MOV10L1: variants seen among roughly 807,000 people sequenced by gnomAD.
The protein encoded by MOV10L1 is RNA helicase Mov10l1.
Under a neutral mutation model 143.8 loss-of-function variants are expected in MOV10L1, and 110 were observed. That is an observed-to-expected ratio of 0.76 (90% CI 0.66 to 0.90). The LOEUF (loss-of-function observed/expected upper bound fraction) is 0.90. MOV10L1 is among the 40% of genes least tolerant of loss of function. The pLI, the probability that MOV10L1 is intolerant of heterozygous loss-of-function variation, is 0.00. For missense variants in MOV10L1, 1,406 were observed against 1,526.8 expected, an observed-to-expected ratio of 0.92 and a Z score of 1.32; for synonymous variants, 593 against 581.1, an observed-to-expected ratio of 1.02 and a Z score of -0.29.
intron 19 of MOV10L1, among the ~76,000 whole-genome samples, chr22:50,147,643 G>A (rs1468316666): frequency 2.6e-5 from 4 of 152,212 alleles, no homozygotes; most frequent in Non-Finnish European, 5.9e-5. Flanking sequence ...GCGTTAGTTG[G>A]CCACTGGGGG....
rs956733233 is a variant in MOV10L1, at chr22:50,153,481, G to C, written c.3066+263G>C. The stretch of plus-strand genomic sequence containing the variant: ...ACAGCAGACAAGCACTGGGCTCCAA[G>C]AGAAGCGAAGCTGCCCAGTGAGCTC... On this transcript the variant is annotated intron_variant, in intron 22 of 26. Coordinates refer to ENST00000262794, the MANE Select transcript of MOV10L1 (RefSeq NM_018995.3). Among the ~76,000 whole-genome samples, 3 of 152,362 alleles carry C rather than the reference G, an allele frequency of 2.0e-5. No individual in the cohort carries two copies. The East Asian group carries it at 5.8e-4, about 29-fold the overall frequency.
intron 1 of MOV10L1, 148 bp from the exon 2 acceptor site, chr22:50,091,853 C>G: frequency 1.5e-6 from 1 of 687,730 alleles, no homozygotes; most frequent in Non-Finnish European, 2.4e-6. Context: ...TGATGGGATT[C>G]TCTCTGTCTC....
rs771203288 is a variant in MOV10L1 at position 50,114,486 on chromosome 22, C to T, written c.990C>T (p.Pro330=). Residue 330 remains proline (P), a synonymous_variant, in exon 7 of 27, where the codon CCC becomes CCT. Transcript: ENST00000262794. The part of the protein sequence containing the change: ...FQMLDKDQMC[P]VVSFVSVPEK... ...TGCTGGATAAAGACCAGATGTGCCC[C>T]GTGGTATCTTTTGTTTCTGTTCCTG... The T allele has an allele frequency of 1.6e-5, 26 of 1,613,992 alleles. No individual in the cohort carries two copies. In the African/African-American group the frequency reaches 2.3e-4, roughly 14 times the overall value.
In MOV10L1 at chr22:50,158,196, A is replaced by G. The variant is rs760538921; in HGVS notation, c.3206A>G (p.Tyr1069Cys). 6 of 1,614,108 alleles carry G rather than the reference A, an allele frequency of 3.7e-6. No individual in the cohort carries two copies. In the South Asian group the frequency reaches 6.6e-5, roughly 18 times the overall value. Residue 1069 changes from tyrosine (Y) to cysteine (C), a missense_variant, in exon 23 of 27, where the codon TAC becomes TGC. Tyr to Cys is a radical substitution (Grantham distance 194). Transcript: ENST00000262794. This position sits in a 1 kb window ranked among gnomAD's most constrained non-coding sequence, Gnocchi z 5.0. ...AGCGACATTGGCGTCATCACGCCCT[A>G]CCGGAAGCAGGTACGCCCTGCCCAG... ...SASDIGVITP[Y>C]RKQVEKIRIL...
chr22:50,118,625 G>T (rs2062248012), intron 9 of MOV10L1, among the ~76,000 whole-genome samples: 1 of 152,164 alleles, frequency 6.6e-6, no homozygotes, highest in African/African-American at 2.4e-5. Context: ...GGTAGAATCT[G>T]GGATTAATAG....
At chr22:50,112,447 G>A (rs1253309529) in intron 5 of MOV10L1, among the ~76,000 whole-genome samples, 3 of 152,238 alleles carry the variant, frequency 2.0e-5, no homozygotes, top group Admixed American at 2.0e-4. Context: ...CAGGAACCAG[G>A]GGCCTGAAGC....
chr22:50,095,595 G>T (rs2147014976), intron 2 of MOV10L1: 1 of 152,274 alleles, frequency 6.6e-6, no homozygotes, highest in East Asian at 1.9e-4. Flanking sequence ...TCCAAAGCAG[G>T]TTCTCATACC....
intron 16 of MOV10L1, 54 bp from the exon 17 acceptor site, chr22:50,142,989 C>A: frequency 6.4e-7 from 1 of 1,563,152 alleles, no homozygotes; most frequent in Non-Finnish European, 8.8e-7. Flanking sequence ...GACGTGTCCA[C>A]AGCTGTTGAG....
intron 18 of MOV10L1, 49 bp from the exon 19 acceptor site, chr22:50,145,640 T>C: frequency 6.2e-7 from 1 of 1,604,104 alleles, no homozygotes; most frequent in Non-Finnish European, 8.5e-7. Context: ...TTTGGAATTC[T>C]GCTTAATAAT....
rs145734466 is a variant in MOV10L1 at position 50,149,089 on chromosome 22, G to A, written c.2628-526G>A. Among the ~76,000 whole-genome samples, 528 of 152,344 alleles carry A rather than the reference G, an allele frequency of 3.5e-3. 2 individuals carry two copies. The highest frequency in any genetic ancestry group is 0.011 in the African/African-American group (468 of 41,572). On this transcript the variant is annotated intron_variant, in intron 19 of 26. Transcript: ENST00000262794. Reference sequence around the variant, plus strand: ...AAGGATGAGTCAGGAGGAAATGAGCGGATGGCAGGAGAGGCTGCCATCTGT... The same window carrying A: ...AAGGATGAGTCAGGAGGAAATGAGCAGATGGCAGGAGAGGCTGCCATCTGT...
At position 50,099,434 on chromosome 22, in the gene MOV10L1, G is replaced by T; in HGVS notation, c.283-9G>T. 2 of 1,613,080 alleles carry T rather than the reference G, an allele frequency of 1.2e-6. No individual in the cohort carries two copies. The highest frequency in any genetic ancestry group is 8.5e-7 in the Non-Finnish European group (1 of 1,179,218). ...TATTATGGTTTAGAGCGGTGTGTTT[G>T]TTTTACAGGTAGAAGCTGTCTCTGA... is the stretch of plus-strand genomic sequence containing the variant. On this transcript the variant is annotated splice_polypyrimidine_tract_variant and intron_variant, in intron 2 of 26. Coordinates refer to ENST00000262794, the MANE Select transcript of MOV10L1 (RefSeq NM_018995.3).
In MOV10L1 at chr22:50,090,616, C is replaced by T. The variant is rs1376806896; in HGVS notation, c.97+431C>T. The T allele has an allele frequency of 4.1e-6, 6 of 1,450,834 alleles. No homozygotes were observed. In the African/African-American group the frequency reaches 4.2e-5, roughly 10 times the overall value. 89.9% of individuals were successfully genotyped at this position (1,450,834 alleles called of 1,614,324 possible). On this transcript the variant is annotated intron_variant, in intron 1 of 26. Coordinates refer to ENST00000262794, the MANE Select transcript of MOV10L1 (RefSeq NM_018995.3). ...CATTTCCTTGTCTGGTTTTCAAGCC[C>T]ATCTTTCTAAAGCCCGGGATGCGCC...
chr22:50,098,755 T>G (rs1237409122), intron 2 of MOV10L1, among the ~76,000 whole-genome samples: 1 of 152,232 alleles, frequency 6.6e-6, no homozygotes, highest in African/African-American at 2.4e-5. Context: ...GTTCCTGATC[T>G]TAGGGGAAAG....
Position 50,114,587 on chromosome 22 carries a change from A to C in MOV10L1, c.1091A>C (p.Glu364Ala). The C allele has an allele frequency of 6.2e-7, 1 of 1,614,154 alleles. No homozygotes were observed. Among genetic ancestry groups the C allele is most frequent in the Non-Finnish European group, 8.5e-7 (1 of 1,180,022 alleles). Residue 364 changes from glutamate (E) to alanine (A), a missense_variant, in exon 7 of 27, where the codon GAG becomes GCG. Physicochemically the swap from Glu to Ala is moderately radical, Grantham distance 107. Coordinates refer to ENST00000262794, the MANE Select transcript of MOV10L1 (RefSeq NM_018995.3). ...AAAAACAAAACCTCTCAGATGTCGG[A>C]GAGCAGTTTGGTGAACAACAGAGGA... Reference protein sequence around the residue: ...HTKNKTSQMSESSLVNNRGIS... With the variant: ...HTKNKTSQMSASSLVNNRGIS...
At chr22:50,122,996 C>G (rs2062394126) in intron 10 of MOV10L1, among the ~76,000 whole-genome samples, 2 of 152,036 alleles carry the variant, frequency 1.3e-5, no homozygotes, top group South Asian at 2.1e-4. Context: ...CCACACCCAG[C>G]CTGATTTTCT....
chr22:50,145,545 TAAGG>T (rs2063129886), intron 18 of MOV10L1, 140 bp from the exon 19 acceptor site: 4 of 1,021,568 alleles, frequency 3.9e-6, no homozygotes, highest in East Asian at 2.5e-5. Context: ...ACTGAATTGA[TAAGG>T]AAGTATGAGA....
intron 11 of MOV10L1, 82 bp downstream of exon 11, chr22:50,125,651 A>G (rs2062478200): frequency 1.5e-6 from 2 of 1,349,698 alleles, no homozygotes; most frequent in Non-Finnish European, 2.0e-6. Context: ...AACTGGCAAT[A>G]TGACAGTCAC....
chr22:50,092,423 G>T (rs1201472851), intron 2 of MOV10L1, among the ~76,000 whole-genome samples: 1 of 152,102 alleles, frequency 6.6e-6, no homozygotes, highest in Non-Finnish European at 1.5e-5. Flanking sequence ...TTGAGCTCAG[G>T]TGTTAAGAGA....
At chr22:50,135,800 A>G (rs1456162007) in intron 15 of MOV10L1, among the ~76,000 whole-genome samples, 1 of 151,840 alleles carries the variant, frequency 6.6e-6, no homozygotes, top group Non-Finnish European at 1.5e-5. Flanking sequence ...ATAAATAGTA[A>G]TATAGTGCCT....
Sources: allele counts gnomAD v4.1 joint callset (sites outside exome capture counted in the v4.1 genomes callset), GRCh38; gene constraint gnomAD v4.1.1; non-coding constraint Gnocchi (gnomAD v3.1); transcripts MANE v1.5; gene names NCBI Gene and HGNC (gene_info 2026-07-23, HGNC 2026-07-21).